ANKRD44: variants seen among roughly 807,000 people sequenced by gnomAD.
The protein encoded by ANKRD44 is serine/threonine-protein phosphatase 6 regulatory ankyrin repeat subunit B.
A neutral mutation model predicts 116.0 loss-of-function variants in ANKRD44; 35 were observed. The ratio of observed to expected loss-of-function variants is 0.30; its 90% CI spans 0.23 to 0.40. The LOEUF is 0.40. Ranked by LOEUF, ANKRD44 falls within the 10% of genes least tolerant of loss-of-function variation. The probability of loss-of-function intolerance (pLI) is 1.00; values close to 1 mark genes in which losing one functional copy is unlikely to be tolerated. For missense variants in ANKRD44, 1,014 were observed against 1,242.6 expected, an observed-to-expected ratio of 0.82 and a Z score of 2.77; for synonymous variants, 435 against 461.8, an observed-to-expected ratio of 0.94 and a Z score of 0.74.
rs2079601294 is a variant in ANKRD44, at chr2:197,149,982, G to A, written c.112-2877C>T. Among the ~76,000 whole-genome samples, 3 of 152,184 alleles carry A rather than the reference G, an allele frequency of 2.0e-5. No individual in the cohort carries two copies. The South Asian group carries it at 6.2e-4, about 31-fold the overall frequency. On this transcript the variant is annotated intron_variant, in intron 2 of 27. Transcript: ENST00000282272. The stretch of plus-strand genomic sequence containing the variant: ...TCTAGCCCAATGACATCCTTAGGGT[G>A]TCTAGAAGAAGAAACAAATCTAGCT...
At chr2:197,295,749 G>T (rs1182411990) in intron 1 of ANKRD44, among the ~76,000 whole-genome samples, 1 of 152,188 alleles carries the variant, frequency 6.6e-6, no homozygotes, top group Non-Finnish European at 1.5e-5. Context: ...GCCTCTGGAA[G>T]AGCTGGTTGA....
intron 1 of ANKRD44, among the ~76,000 whole-genome samples, chr2:197,269,231 C>T (rs1211017019): frequency 1.3e-5 from 2 of 152,236 alleles, no homozygotes; most frequent in African/African-American, 4.8e-5. Context: ...CTGCCCTGTT[C>T]CAGTGTAAAC....
rs1324485709 is a variant in ANKRD44 at position 197,212,748 on chromosome 2, A to T, written c.28-25642T>A. Among the ~76,000 whole-genome samples, 1 of 152,168 alleles carries T rather than the reference A, an allele frequency of 6.6e-6. No homozygotes were observed. Among genetic ancestry groups the T allele is most frequent in the Non-Finnish European group, 1.5e-5 (1 of 68,020 alleles). On this transcript the variant is annotated intron_variant, in intron 1 of 27. Transcript: ENST00000282272. The surrounding 1 kb of genome is among the most constrained non-coding windows in gnomAD (Gnocchi z 4.8). ...GTCAGACATGTTTTTGCTCAAAAGA[A>T]TTCAGTTAACACCCACAAGGAAGGG...
intron 2 of ANKRD44, among the ~76,000 whole-genome samples, chr2:197,156,831 A>T (rs999848408): frequency 6.6e-6 from 1 of 152,174 alleles, no homozygotes; most frequent in African/African-American, 2.4e-5. Context: ...GAGTGAAACA[A>T]GTCGGGCAAA....
intron 1 of ANKRD44, among the ~76,000 whole-genome samples, chr2:197,216,031 G>A (rs957910174): frequency 2.0e-5 from 3 of 152,172 alleles, no homozygotes; most frequent in African/African-American, 7.2e-5. Flanking sequence ...CAAACCAATC[G>A]GGGTTCAAGG....
intron 10 of ANKRD44, among the ~76,000 whole-genome samples, chr2:197,091,177 T>A (rs772959487): frequency 2.4e-4 from 37 of 152,298 alleles, no homozygotes; most frequent in Non-Finnish European, 4.1e-4. Context: ...TAACATGCCC[T>A]CAGGGGGCTT....
chr2:197,064,013 GA>G (rs1192015306), intron 16 of ANKRD44, among the ~76,000 whole-genome samples: 8 of 152,252 alleles, frequency 5.3e-5, no homozygotes, highest in Middle Eastern at 3.4e-3. Flanking sequence ...ATTCACCAAA[GA>G]TGAAATGAAG....
In ANKRD44 at chr2:196,989,443, A is replaced by G. The variant is rs1050471574; in HGVS notation, c.*148T>C. ...CAGTTCTCACTTGCATTTTGAAGGA[A>G]AAAAATGTGTATCTTCCATTTTAGA... On this transcript the variant is annotated 3_prime_UTR_variant, in exon 28 of 28. Transcript: ENST00000282272. The G allele has an allele frequency of 3.5e-5, 44 of 1,266,764 alleles. No homozygotes were observed. The highest frequency in any genetic ancestry group is 4.4e-5 in the Non-Finnish European group (44 of 1,003,954). 78.5% of individuals were successfully genotyped at this position (1,266,764 alleles called of 1,614,324 possible).
chr2:197,303,998 A>G (rs1486418183), intron 1 of ANKRD44, among the ~76,000 whole-genome samples: 1 of 152,206 alleles, frequency 6.6e-6, no homozygotes, highest in Non-Finnish European at 1.5e-5. Context: ...GTTAAAAAGG[A>G]GTAATCTATA....
intron 1 of ANKRD44, chr2:197,251,107 A>T (rs1441015841): frequency 2.6e-5 from 4 of 152,244 alleles, no homozygotes; most frequent in Admixed American, 2.0e-4. Context: ...TATTGCTAAA[A>T]CCATAACAAA....
intron 1 of ANKRD44, chr2:197,263,182 G>T: frequency 2.1e-6 from 1 of 477,370 alleles, no homozygotes. Context: ...TAAGCCATCT[G>T]CTACCTGCAG....
At chr2:197,144,797 C>G (rs549614553) in intron 3 of ANKRD44, among the ~76,000 whole-genome samples, 1 of 152,088 alleles carries the variant, frequency 6.6e-6, no homozygotes, top group Non-Finnish European at 1.5e-5. Context: ...GATGTGAAAC[C>G]ATGTTTGTCA....
chr2:197,210,758 C>T (rs1350401113), intron 1 of ANKRD44, among the ~76,000 whole-genome samples: 2 of 152,178 alleles, frequency 1.3e-5, no homozygotes, highest in Non-Finnish European at 2.9e-5. Context: ...GATATCATTC[C>T]TCCCTTATGG....
At chr2:197,259,079 A>G (rs2082530339) in intron 1 of ANKRD44, among the ~76,000 whole-genome samples, 1 of 152,224 alleles carries the variant, frequency 6.6e-6, no homozygotes, top group African/African-American at 2.4e-5. Flanking sequence ...GTTTCCTTCT[A>G]GGCTCTTAAA....
At chr2:196,983,347 T>A (rs1359513012), downstream of ANKRD44, among the ~76,000 whole-genome samples, 3 of 152,194 alleles carry the variant, frequency 2.0e-5, no homozygotes, top group African/African-American at 7.2e-5. Context: ...TCGCTGTTAA[T>A]CTTCTGCCAC....
intron 1 of ANKRD44, among the ~76,000 whole-genome samples, chr2:197,236,902 C>T (rs1416624510): frequency 1.3e-5 from 2 of 152,118 alleles, no homozygotes; most frequent in African/African-American, 4.8e-5. Context: ...GTGGCAAAGG[C>T]ATATCTGCCT....
At chr2:197,295,959 G>A (rs1291238037) in intron 1 of ANKRD44, among the ~76,000 whole-genome samples, 1 of 152,156 alleles carries the variant, frequency 6.6e-6, no homozygotes. Flanking sequence ...GGAGGCTGAA[G>A]CGGGAGGATC....
At chr2:197,294,195 A>G (rs933385099) in intron 1 of ANKRD44, among the ~76,000 whole-genome samples, 1 of 152,236 alleles carries the variant, frequency 6.6e-6, no homozygotes, top group Admixed American at 6.5e-5. Context: ...GTCACTGTCC[A>G]TGTTTTCTAA....
rs1037360339 is a variant in ANKRD44, at chr2:197,007,853, T to C, written c.2083A>G (p.Asn695Asp). The C allele has an allele frequency of 6.2e-7, 1 of 1,614,010 alleles. No homozygotes were observed. Among genetic ancestry groups the C allele is most frequent in the African/African-American group, 1.3e-5 (1 of 74,930 alleles). ...CCTAGGATGTCAACAGTGTCTACGTTGGCTTCCTTTTCAAGTAACAATGAA... is the reference window on the plus strand; with the variant it reads ...CCTAGGATGTCAACAGTGTCTACGTCGGCTTCCTTTTCAAGTAACAATGAA... Reference protein sequence around the residue: ...AVSLLLEKEANVDTVDILGCT... With the variant: ...AVSLLLEKEADVDTVDILGCT... The change falls in exon 20 of 28, where the codon AAC (asparagine) becomes GAC (aspartate). Residue 695 changes from asparagine to aspartate, a missense_variant. Transcript: ENST00000282272.
Sources: gnomAD v4.1 joint callset for allele counts (sites outside exome capture counted in the v4.1 genomes callset) on GRCh38, gnomAD v4.1.1 for gene constraint, Gnocchi (gnomAD v3.1) non-coding constraint, MANE v1.5 for transcripts, NCBI Gene and HGNC (gene_info 2026-07-23, HGNC 2026-07-21) for gene names.